Variants in ZNF575 observed in about 807,000 individuals in gnomAD.
ZNF575 encodes the protein zinc finger protein 575.
In ZNF575, 17 loss-of-function variants were observed where a neutral mutation model predicts 17.5. The ratio of observed to expected loss-of-function variants is 0.97; its 90% CI spans 0.66 to 1.45. The LOEUF is 1.45. ZNF575 is among the 40% of genes most tolerant of loss of function. The pLI is 0.00. For missense variants in ZNF575, 352 were observed against 359.2 expected, an observed-to-expected ratio of 0.98 and a Z score of 0.16; for synonymous variants, 146 against 158.3, an observed-to-expected ratio of 0.92 and a Z score of 0.58.
Position 43,535,438 on chromosome 19 carries a change from G to A in ZNF575, c.489G>A (p.Ala163=). ...PKSFCYPSKL[A]AHRHTHHATD... ...CCTTCTGCTACCCTTCCAAGCTGGCGGCCCACCGCCACACGCACCACGCCA... is the reference window on the plus strand; with the variant it reads ...CCTTCTGCTACCCTTCCAAGCTGGCAGCCCACCGCCACACGCACCACGCCA... Residue 163 remains alanine, a synonymous_variant, in exon 4 of 4, where the codon GCG becomes GCA. Transcript: ENST00000314228. 1 of 1,604,022 alleles carries A rather than the reference G, an allele frequency of 6.2e-7. No individual in the cohort carries two copies. The highest frequency in any genetic ancestry group is 1.4e-5 in the African/African-American group (1 of 72,268).
At position 43,535,557 on chromosome 19, in the gene ZNF575, C is replaced by A. The variant is rs751963732; in HGVS notation, c.608C>A (p.Thr203Asn). 1 of 1,613,944 alleles carries A rather than the reference C, an allele frequency of 6.2e-7. No individual in the cohort carries two copies. Among genetic ancestry groups the A allele is most frequent in the South Asian group, 1.1e-5 (1 of 91,086 alleles). Residue 203 changes from threonine (T) to asparagine (N), a missense_variant, in exon 4 of 4, where the codon ACC becomes AAC. Coordinates refer to ENST00000314228, the MANE Select transcript of ZNF575 (RefSeq NM_174945.3). ...CATCGCCTATGTCACGACCCCCCAA[C>A]CGCGCCCGGCAGCCAGGCGACTGCC... ...AAHRLCHDPP[T>N]APGSQATAWH...
At position 43,535,109 on chromosome 19, in the gene ZNF575, C is replaced by T; in HGVS notation, c.160C>T (p.Arg54Cys). The T allele has an allele frequency of 1.3e-6, 2 of 1,518,380 alleles. No homozygotes were observed. Among genetic ancestry groups the T allele is most frequent in the Non-Finnish European group, 1.8e-6 (2 of 1,138,320 alleles). The allele number at this position is 1,518,380 out of a possible 1,614,324, so 94.1% of individuals were successfully genotyped here. A position where few individuals can be genotyped will look rare whatever the true frequency, so the allele number is the denominator to read the frequency against. The change falls in exon 4 of 4, where the codon CGC becomes TGC. Residue 54 changes from arginine to cysteine, a missense_variant. Transcript: ENST00000314228. ...TASAGSPPRP[R>C]RRPPPQRPHR... ...GTCCGCGGGCTCGCCTCCCCGGCCT[C>T]GCCGGCGGCCCCCGCCCCAGCGCCC...
At chr19:43,532,016 T>G (rs1972351607), upstream of ZNF575, 3 of 440,802 alleles carry the variant, frequency 6.8e-6, no homozygotes, top group South Asian at 8.8e-5. Context: ...GGATTTTTGT[T>G]TGTTTGGGTT....
upstream of ZNF575, among the ~76,000 whole-genome samples, chr19:43,531,412 T>A (rs1972341737): frequency 6.6e-6 from 1 of 152,066 alleles, no homozygotes; most frequent in African/African-American, 2.4e-5. Context: ...TGAAACCCTG[T>A]CTCTACTAAA....
At position 43,535,295 on chromosome 19, in the gene ZNF575, G is replaced by T. The variant is rs866041359; in HGVS notation, c.346G>T (p.Ala116Ser). 6.4e-7 allele frequency: 1 copy of T among 1,567,614 alleles called. No homozygotes were observed. The highest frequency in any genetic ancestry group is 1.1e-5 in the South Asian group (1 of 87,360). ...AGCCCACCGCCTCACGCACAGCGGC[G>T]CCCGCCCGCACCCGTGCCCACACTG... ...LAAHRLTHSG[A>S]RPHPCPHCPK... Residue 116 changes from alanine (A) to serine (S), a missense_variant, in exon 4 of 4, where the codon GCC becomes TCC. Transcript: ENST00000314228.
intron 3 of ZNF575, 135 bp downstream of exon 3, chr19:43,534,636 C>A (rs1455880804): frequency 1.2e-6 from 1 of 867,184 alleles, no homozygotes; most frequent in Non-Finnish European, 1.6e-6. Flanking sequence ...AAAACTGCCA[C>A]ATTCTGGGAA....
rs775644996 is a variant in ZNF575, at chr19:43,535,164, T to C, written c.215T>C (p.Phe72Ser). ...CGCTGCCCCGACTGTGACAAGGCCT[T>C]CTCGTACCCGTCCAAGCTGGCCACG... ...PHRCPDCDKA[F>S]SYPSKLATHR... Residue 72 changes from phenylalanine (F) to serine (S), a missense_variant, in exon 4 of 4, where the codon TTC (phenylalanine) becomes TCC (serine). Transcript: ENST00000314228. 3 of 1,602,328 alleles carry C rather than the reference T, an allele frequency of 1.9e-6. No homozygotes were observed. The highest frequency in any genetic ancestry group is 3.4e-5 in the Admixed American group (2 of 58,578).
chr19:43,534,222 TTGCATAGCCCCGCTCAC>T (rs1157996642), intron 2 of ZNF575, 98 bp from the exon 3 acceptor site: 9 of 545,960 alleles, frequency 1.6e-5, no homozygotes, highest in Non-Finnish European at 2.9e-5. Context: ...TGGCTTGAAT[TTGCATAGCCCCGCTCAC>T]TGTGCTCTTA....
chr19:43,533,500 C>G lies in ZNF575; in HGVS notation c.-216C>G, dbSNP rs1037956049. Reference sequence around the variant, plus strand: ...GCGGGAGGAGCCGGAAGCCCCGCCCCCGGGGAGGGGCCGTCCTGCAGGTGA... The same window carrying G: ...GCGGGAGGAGCCGGAAGCCCCGCCCGCGGGGAGGGGCCGTCCTGCAGGTGA... On this transcript the variant is annotated 5_prime_UTR_variant, in exon 1 of 4. Coordinates refer to ENST00000314228, the MANE Select transcript of ZNF575 (RefSeq NM_174945.3). 6.6e-6 allele frequency: 1 copy of G among 152,346 alleles called. No individual in the cohort carries two copies. The highest frequency in any genetic ancestry group is 1.5e-5 in the Non-Finnish European group (1 of 68,272). 9.4% of individuals were successfully genotyped at this position (152,346 alleles called of 1,614,324 possible).
chr19:43,534,150 A>G, intron 2 of ZNF575, 187 bp from the exon 3 acceptor site: 1 of 501,040 alleles, frequency 2.0e-6, no homozygotes, highest in Non-Finnish European at 3.5e-6. Context: ...TTAGTTGTGG[A>G]GACTCCGCCC....
At chr19:43,534,890 T>C (rs1033600631) in intron 3 of ZNF575, 139 bp from the exon 4 acceptor site, 2 of 795,578 alleles carry the variant, frequency 2.5e-6, no homozygotes, top group Non-Finnish European at 3.6e-6. Context: ...AACATGCAAT[T>C]TGGGGAGTCT....
chr19:43,535,747 T>G lies in ZNF575; in HGVS notation c.*60T>G. On this transcript the variant is annotated 3_prime_UTR_variant, in exon 4 of 4. Coordinates refer to ENST00000314228, the MANE Select transcript of ZNF575 (RefSeq NM_174945.3). ...AGCCCTAGCCAGTAAGAGGTGGGAT[T>G]TCTAAGACCGACTGTATGAGCTCGC... The G allele has an allele frequency of 6.7e-7, 1 of 1,499,222 alleles. No homozygotes were observed. The highest frequency in any genetic ancestry group is 1.3e-5 in the South Asian group (1 of 79,848). The allele number at this position is 1,499,222 out of a possible 1,614,324, so 92.9% of individuals were successfully genotyped here.
upstream of ZNF575, chr19:43,533,139 C>G (rs912609092): frequency 6.6e-6 from 1 of 152,246 alleles, no homozygotes; most frequent in African/African-American, 2.4e-5. Flanking sequence ...TGACTCCAGT[C>G]AGCCACCGTA....
rs141800849 is a variant in ZNF575, at chr19:43,535,232, G to C, written c.283G>C (p.Asp95His). 3 of 1,611,026 alleles carry C rather than the reference G, an allele frequency of 1.9e-6. No homozygotes were observed. Among genetic ancestry groups the C allele is most frequent in the Non-Finnish European group, 2.5e-6 (3 of 1,178,882 alleles). Residue 95 changes from aspartate (D) to histidine (H), a missense_variant, in exon 4 of 4, where the codon GAC becomes CAC. Physicochemically the swap from Asp to His is moderately conservative, Grantham distance 81 (BLOSUM62 -1). Coordinates refer to ENST00000314228, the MANE Select transcript of ZNF575 (RefSeq NM_174945.3). ...AGGCGCCCGACCCCACCCATGCCCA[G>C]ACTGCCCCAAGGCCTTCTCCTACCC... ...HGGARPHPCP[D>H]CPKAFSYPSK...
chr19:43,535,454 C>A lies in ZNF575; in HGVS notation c.505C>A (p.His169Asn). 1 of 1,613,022 alleles carries A rather than the reference C, an allele frequency of 6.2e-7. No individual in the cohort carries two copies. The highest frequency in any genetic ancestry group is 8.5e-7 in the Non-Finnish European group (1 of 1,179,686). ...CAAGCTGGCGGCCCACCGCCACACG[C>A]ACCACGCCACCGACGCCCGCCCCTA... ...PSKLAAHRHT[H>N]HATDARPYPC... Residue 169 changes from histidine to asparagine, a missense_variant, in exon 4 of 4, where the codon CAC becomes AAC. By Grantham distance (68) the His-to-Asn change is moderately conservative. Coordinates refer to ENST00000314228, the MANE Select transcript of ZNF575 (RefSeq NM_174945.3).
At position 43,535,015 on chromosome 19, in the gene ZNF575, C is replaced by G; in HGVS notation, c.80-14C>G. The stretch of plus-strand genomic sequence containing the variant: ...GGCTGCTTCCTGGAGCCCACCAGCC[C>G]TCCTGTCCCCCAGCTCCCCACCAGG... On this transcript the variant is annotated splice_polypyrimidine_tract_variant and intron_variant, in intron 3 of 3. Transcript: ENST00000314228. The G allele has an allele frequency of 7.0e-7, 1 of 1,427,324 alleles. No individual in the cohort carries two copies. The allele number at this position is 1,427,324 out of a possible 1,614,324, so 88.4% of individuals were successfully genotyped here. A position where few individuals can be genotyped will look rare whatever the true frequency, so the allele number is the denominator to read the frequency against.
chr19:43,534,635 ACATTCTGGGAAATC>A (rs1178889546), intron 3 of ZNF575, 134 bp downstream of exon 3: 1 of 867,506 alleles, frequency 1.2e-6, no homozygotes, highest in Non-Finnish European at 1.6e-6. Flanking sequence ...CAAAACTGCC[ACATTCTGGGAAATC>A]CTCCCATTTG....
Position 43,534,458 on chromosome 19 carries a change from T to C in ZNF575, c.36T>C (p.Ala12=), listed in dbSNP as rs1389110770. The change falls in exon 3 of 4, where the codon GCT becomes GCC. Residue 12 remains alanine, a synonymous_variant. Coordinates refer to ENST00000314228, the MANE Select transcript of ZNF575 (RefSeq NM_174945.3). ...GAGGCGCGGAGTCCGCGGCCGGGGC[T>C]ACCGATCCTAGTCCCACTGGCAAGG... ...LERGAESAAG[A]TDPSPTGKEP... The C allele has an allele frequency of 6.5e-7, 1 of 1,535,672 alleles. No homozygotes were observed. Among genetic ancestry groups the C allele is most frequent in the Non-Finnish European group, 8.8e-7 (1 of 1,141,148 alleles).
chr19:43,534,032 T>C (rs1972379105), intron 2 of ZNF575, 130 bp downstream of exon 2: 1 of 219,142 alleles, frequency 4.6e-6, no homozygotes. Context: ...AGAACAAGAC[T>C]TTTTTTGTAC....
Sources: allele counts gnomAD v4.1 joint callset (sites outside exome capture counted in the v4.1 genomes callset), GRCh38; gene constraint gnomAD v4.1.1; transcripts MANE v1.5; gene names NCBI Gene and HGNC (gene_info 2026-07-23, HGNC 2026-07-21).